FAT3: variants seen among roughly 807,000 people sequenced by gnomAD.
FAT3 encodes FAT atypical cadherin 3.
FAT3 carries 95 observed loss-of-function variants against 310.2 expected under a neutral mutation model. The ratio of observed to expected loss-of-function variants is 0.31; its 90% CI spans 0.26 to 0.36. The LOEUF is 0.36. FAT3 is among the 10% of genes least tolerant of loss of function. FAT3 has a pLI of 1.00. For synonymous variants in FAT3, 2,314 were observed against 2,192.9 expected (o/e 1.06, Z -1.54); for missense variants, 5,408 against 5,715.6 (o/e 0.95, Z 1.74).
At chr11:92,733,107 T>C (rs373696363) in intron 4 of FAT3, among the ~76,000 whole-genome samples, 8 of 152,186 alleles carry the variant, frequency 5.3e-5, no homozygotes, top group African/African-American at 1.9e-4. Flanking sequence ...ACAGGGGCAG[T>C]GGTTACACAA....
chr11:92,862,677 T>C (rs1455865327), intron 21 of FAT3, among the ~76,000 whole-genome samples: 2 of 152,198 alleles, frequency 1.3e-5, no homozygotes, highest in Non-Finnish European at 2.9e-5. Flanking sequence ...GGAAGCTCCC[T>C]ACAAGATTTG....
intron 2 of FAT3, among the ~76,000 whole-genome samples, chr11:92,492,785 A>G (rs974468033): frequency 6.6e-6 from 1 of 152,062 alleles, no homozygotes; most frequent in African/African-American, 2.4e-5. Context: ...ATCACTTGGT[A>G]ATTTGCAAGA....
chr11:92,689,761 T>C (rs1943744084), intron 3 of FAT3, among the ~76,000 whole-genome samples: 1 of 152,074 alleles, frequency 6.6e-6, no homozygotes, highest in Admixed American at 6.6e-5. Context: ...CATGCATGTG[T>C]GCATGAGGAT....
chr11:92,838,193 A>C (rs2136277452), intron 17 of FAT3, among the ~76,000 whole-genome samples: 1 of 152,354 alleles, frequency 6.6e-6, no homozygotes, highest in South Asian at 2.1e-4. Flanking sequence ...CTTCTGCAAA[A>C]GAATTCTCTT....
At chr11:92,727,782 T>C (rs1945042295) in intron 4 of FAT3, among the ~76,000 whole-genome samples, 1 of 152,218 alleles carries the variant, frequency 6.6e-6, no homozygotes, top group African/African-American at 2.4e-5. Context: ...GGCTCCACTT[T>C]CCATGTGCTT....
chr11:92,492,623 A>G (rs970765982), intron 2 of FAT3, among the ~76,000 whole-genome samples: 5 of 152,074 alleles, frequency 3.3e-5, no homozygotes, highest in Middle Eastern at 3.4e-3. Context: ...ATCCCTTCCT[A>G]TCTTTTGGAG....
Position 92,801,083 on chromosome 11 carries a change from C to A in FAT3, c.8070C>A (p.Ser2690=). The change falls in exon 10 of 28, where the codon TCC becomes TCA. Residue 2690 remains serine (S), a synonymous_variant. Transcript: ENST00000525166. ...ATGGGGGCATCCCAGTAAAGCACTC[C>A]CTCATTCCTGTCTATATCCACGTCT... ...AVDGGIPVKH[S]LIPVYIHVLP... 6.2e-7 allele frequency: 1 copy of A among 1,613,878 alleles called. No individual in the cohort carries two copies. Among genetic ancestry groups the A allele is most frequent in the South Asian group, 1.1e-5 (1 of 91,072 alleles).
rs142050540 is a variant in FAT3 at position 92,301,099 on chromosome 11, G to A, written c.-17-50997G>A. Among the ~76,000 whole-genome samples the A allele has an allele frequency of 6.2e-3, 949 of 152,186 alleles. 2 individuals carry two copies. Among genetic ancestry groups the A allele is most frequent in the Non-Finnish European group, 0.01 (710 of 67,996 alleles). On this transcript the variant is annotated intron_variant, in intron 1 of 27. Transcript: ENST00000525166. ...TCTCCTCATGTGCTTTTGGTGACGG[G>A]CAGCATGGGGTCAGACTTTGGCTTC...
intron 3 of FAT3, among the ~76,000 whole-genome samples, chr11:92,602,060 G>A (rs576722955): frequency 1.3e-5 from 2 of 151,460 alleles, no homozygotes; most frequent in African/African-American, 2.4e-5. Flanking sequence ...AACTACTTAC[G>A]TGTATTACCT....
At position 92,741,230 on chromosome 11, in the gene FAT3, A is replaced by G. The variant is rs540990304; in HGVS notation, c.3670-20626A>G. 4.6e-5 allele frequency among the ~76,000 whole-genome samples: 7 copies of G among 152,258 alleles called. No individual in the cohort carries two copies. The South Asian group carries it at 8.3e-4, about 18-fold the overall frequency. The stretch of plus-strand genomic sequence containing the variant: ...TTAATTTTTTAATTTTCGTGGAGAC[A>G]AAGTCTCACCATGTTCCCCGAGCTG... On this transcript the variant is annotated intron_variant, in intron 4 of 27. Transcript: ENST00000525166.
chr11:92,846,539 G>A (rs1328507794), intron 19 of FAT3, among the ~76,000 whole-genome samples: 2 of 152,182 alleles, frequency 1.3e-5, no homozygotes, highest in Non-Finnish European at 2.9e-5. Context: ...TGGGGTGGGA[G>A]CAGGGAGCAG....
At chr11:92,302,042 TAC>T (rs145230719) in intron 1 of FAT3, among the ~76,000 whole-genome samples, 5 of 151,700 alleles carry the variant, frequency 3.3e-5, no homozygotes, top group East Asian at 1.9e-4. Context: ...TGCATGCAGA[TAC>T]ACACACACAC....
At chr11:92,520,810 A>T (rs1377414720) in intron 2 of FAT3, among the ~76,000 whole-genome samples, 1 of 152,132 alleles carries the variant, frequency 6.6e-6, no homozygotes, top group African/African-American at 2.4e-5. Flanking sequence ...TAAAATTGAC[A>T]TCTGAACATT....
At chr11:92,313,949 G>A (rs1376228918) in intron 1 of FAT3, among the ~76,000 whole-genome samples, 4 of 152,248 alleles carry the variant, frequency 2.6e-5, no homozygotes, top group Non-Finnish European at 4.4e-5. Context: ...TTCTACTGGA[G>A]CAGAACTGAC....
At chr11:92,373,290 G>T (rs1024765479) in intron 2 of FAT3, among the ~76,000 whole-genome samples, 4 of 152,154 alleles carry the variant, frequency 2.6e-5, no homozygotes, top group African/African-American at 9.7e-5. Flanking sequence ...TTAAACTTAT[G>T]AGGTAGGTAC....
chr11:92,627,205 G>A (rs981532901), intron 3 of FAT3, among the ~76,000 whole-genome samples: 1 of 152,148 alleles, frequency 6.6e-6, no homozygotes, highest in Non-Finnish European at 1.5e-5. Context: ...TAATAAGAGG[G>A]AGACCTCTTT....
rs1948693048 is a variant in FAT3 at position 92,355,038 on chromosome 11, G to T, written c.2926G>T (p.Val976Phe). 6.2e-7 allele frequency: 1 copy of T among 1,613,756 alleles called. No individual in the cohort carries two copies. Among genetic ancestry groups the T allele is most frequent in the East Asian group, 2.2e-5 (1 of 44,868 alleles). ...GGGGGGTCAAGTGCGCTATTCTTTG[G>T]TCAATGACTATAATGGGAGATTTGA... ...GLGGQVRYSL[V>F]NDYNGRFEID... The change falls in exon 2 of 28, where the codon GTC (valine) becomes TTC (phenylalanine). Residue 976 changes from valine to phenylalanine, a missense_variant. Coordinates refer to ENST00000525166, the MANE Select transcript of FAT3 (RefSeq NM_001367949.2).
Position 92,487,213 on chromosome 11 carries a change from G to A in FAT3, c.3293-37421G>A, listed in dbSNP as rs140969701. 1.7e-3 allele frequency among the ~76,000 whole-genome samples: 251 copies of A among 152,116 alleles called. 3 individuals carry two copies. The highest frequency in any genetic ancestry group is 5.9e-3 in the African/African-American group (245 of 41,494). Reference sequence around the variant, plus strand: ...GATATAGGAACTGGGTCTCTGGAGGGTAATCCATGCCTTCCAAGAGGGCCA... The same window carrying A: ...GATATAGGAACTGGGTCTCTGGAGGATAATCCATGCCTTCCAAGAGGGCCA... On this transcript the variant is annotated intron_variant, in intron 2 of 27. Coordinates refer to ENST00000525166, the MANE Select transcript of FAT3 (RefSeq NM_001367949.2).
At chr11:92,565,855 C>A (rs1432496869) in intron 3 of FAT3, among the ~76,000 whole-genome samples, 2 of 152,164 alleles carry the variant, frequency 1.3e-5, no homozygotes, top group African/African-American at 2.4e-5. Context: ...TCTAAAAACT[C>A]TCAGTAAATT....
Sources: allele counts gnomAD v4.1 joint callset (sites outside exome capture counted in the v4.1 genomes callset), GRCh38; gene constraint gnomAD v4.1.1; transcripts MANE v1.5; gene names NCBI Gene and HGNC (gene_info 2026-07-23, HGNC 2026-07-21).